The following NAPEPLD variants were observed in gnomAD, a reference collection of about 807,000 sequenced individuals.
NAPEPLD encodes the protein N-acyl-phosphatidylethanolamine-hydrolyzing phospholipase D.
A neutral mutation model predicts 38.1 loss-of-function variants in NAPEPLD; 23 were observed. The ratio of observed to expected loss-of-function variants is 0.60; its 90% CI spans 0.43 to 0.86. The LOEUF (loss-of-function observed/expected upper bound fraction) is 0.86, where lower values mean the gene tolerates loss of function less well. Ranked by LOEUF, NAPEPLD falls within the 40% of genes least tolerant of loss-of-function variation. The pLI is 0.00. For synonymous variants in NAPEPLD, 147 were observed against 162.0 expected (o/e 0.91, Z 0.71); for missense variants, 411 against 476.8 (o/e 0.86, Z 1.28).
chr7:103,100,119 T>C lies in NAPEPLD; in HGVS notation c.*3310A>G, dbSNP rs1321236652. On this transcript the variant is annotated 3_prime_UTR_variant, in exon 5 of 5. Transcript: ENST00000465647. ...TGTTACCCTGATACAGAAATCAAAC[T>C]TGGAAGAAATATTTTTACATTAGAA... The C allele has an allele frequency of 6.6e-6, 1 of 152,128 alleles. No homozygotes were observed. Among genetic ancestry groups the C allele is most frequent in the Non-Finnish European group, 1.5e-5 (1 of 68,008 alleles). The allele number at this position is 152,128 out of a possible 1,614,324, so 9.4% of individuals were successfully genotyped here.
At chr7:103,108,045 C>T (rs975729737) in intron 4 of NAPEPLD, among the ~76,000 whole-genome samples, 1 of 152,000 alleles carries the variant, frequency 6.6e-6, no homozygotes, top group Non-Finnish European at 1.5e-5. Flanking sequence ...ACTAAGTTAC[C>T]CATAAAGGGA....
chr7:103,139,797 C>G (rs911785878), intron 1 of NAPEPLD, among the ~76,000 whole-genome samples: 8 of 152,140 alleles, frequency 5.3e-5, no homozygotes, highest in Non-Finnish European at 2.9e-5. Context: ...CAGGACATGA[C>G]TACATCAGAC....
intron 2 of NAPEPLD, among the ~76,000 whole-genome samples, chr7:103,125,967 T>C (rs114841824): frequency 0.011 from 1,671 of 151,866 alleles, 35 homozygotes; most frequent in African/African-American, 0.039. Flanking sequence ...AGAATGCAAA[T>C]TTTTTTCAAA....
upstream of NAPEPLD, chr7:103,149,601 G>A (rs1292332945): frequency 1.3e-6 from 1 of 758,158 alleles, no homozygotes; most frequent in East Asian, 1.2e-4. Flanking sequence ...CCGCCCCTGT[G>A]GGCCGGGGCG....
At chr7:103,112,442 T>A (rs978959564) in intron 4 of NAPEPLD, among the ~76,000 whole-genome samples, 5 of 152,214 alleles carry the variant, frequency 3.3e-5, no homozygotes, top group Non-Finnish European at 5.9e-5. Flanking sequence ...GATGAGTTCA[T>A]GTCCTTTGCA....
chr7:103,148,121 A>T, intron 1 of NAPEPLD: 1 of 983,980 alleles, frequency 1.0e-6, no homozygotes, highest in Non-Finnish European at 1.2e-6. Context: ...ATAGAAATGG[A>T]AATGTTAGAG....
At chr7:103,131,015 T>G (rs1585876538) in intron 1 of NAPEPLD, among the ~76,000 whole-genome samples, 2 of 152,184 alleles carry the variant, frequency 1.3e-5, no homozygotes, top group African/African-American at 4.8e-5. Context: ...CATCTGAACC[T>G]CACTTCGTTT....
intron 1 of NAPEPLD, among the ~76,000 whole-genome samples, chr7:103,142,455 A>G (rs1811614381): frequency 6.6e-6 from 1 of 152,008 alleles, no homozygotes; most frequent in Non-Finnish European, 1.5e-5. Flanking sequence ...AAAATACAAA[A>G]AATAGCCAGG....
chr7:103,115,376 A>T, intron 3 of NAPEPLD: 1 of 431,968 alleles, frequency 2.3e-6, no homozygotes, highest in East Asian at 3.6e-5. Context: ...AGATTGTAAA[A>T]ACAAAACAAA....
At chr7:103,149,325 C>T (rs561371810), upstream of NAPEPLD, 2 of 1,122,174 alleles carry the variant, frequency 1.8e-6, no homozygotes, top group African/African-American at 1.7e-5. Context: ...AGTTCCGCGG[C>T]TTCCGGCCAC....
intron 1 of NAPEPLD, among the ~76,000 whole-genome samples, chr7:103,140,597 G>T (rs745436482): frequency 6.6e-6 from 1 of 151,886 alleles, no homozygotes; most frequent in Non-Finnish European, 1.5e-5. Context: ...GTTTCACCAT[G>T]TTAGCCAGGA....
chr7:103,107,892 C>G (rs1348333587), intron 4 of NAPEPLD, among the ~76,000 whole-genome samples: 2 of 152,124 alleles, frequency 1.3e-5, no homozygotes, highest in Non-Finnish European at 2.9e-5. Flanking sequence ...TCAGGAAATA[C>G]AGAGAACACC....
At chr7:103,147,670 T>A (rs1812845527) in intron 1 of NAPEPLD, among the ~76,000 whole-genome samples, 1 of 152,232 alleles carries the variant, frequency 6.6e-6, no homozygotes, top group South Asian at 2.1e-4. Context: ...ATGGAATGCT[T>A]ATGCTAAAAT....
chr7:103,149,321 G>C (rs1813264509), upstream of NAPEPLD: 6 of 1,116,578 alleles, frequency 5.4e-6, no homozygotes, highest in Non-Finnish European at 6.6e-6. Flanking sequence ...CCTCAGTTCC[G>C]CGGCTTCCGG....
chr7:103,131,119 T>C (rs1469217272), intron 1 of NAPEPLD, among the ~76,000 whole-genome samples: 1 of 152,188 alleles, frequency 6.6e-6, no homozygotes, highest in Non-Finnish European at 1.5e-5. Flanking sequence ...ATGCTACTCC[T>C]TGTCATGATA....
At chr7:103,140,014 T>C (rs1023788948) in intron 1 of NAPEPLD, among the ~76,000 whole-genome samples, 3 of 152,198 alleles carry the variant, frequency 2.0e-5, no homozygotes, top group Non-Finnish European at 4.4e-5. Context: ...AACTAAAATA[T>C]GCTTGAATGG....
intron 2 of NAPEPLD, among the ~76,000 whole-genome samples, chr7:103,125,195 C>T (rs1203921336): frequency 6.6e-6 from 1 of 152,096 alleles, no homozygotes; most frequent in East Asian, 1.9e-4. Flanking sequence ...TAACATTTTT[C>T]TTTTTCACAT....
chr7:103,118,620 G>C (rs2129528557), intron 3 of NAPEPLD, among the ~76,000 whole-genome samples: 1 of 152,288 alleles, frequency 6.6e-6, no homozygotes, highest in African/African-American at 2.4e-5. Context: ...AAATGTTGTT[G>C]TATGTATCTG....
intron 2 of NAPEPLD, among the ~76,000 whole-genome samples, chr7:103,122,940 G>C (rs1012310709): frequency 6.6e-6 from 1 of 152,188 alleles, no homozygotes; most frequent in African/African-American, 2.4e-5. Flanking sequence ...TCTACTGCCT[G>C]ACAAAGTCTG....
Sources: allele counts gnomAD v4.1 joint callset (sites outside exome capture counted in the v4.1 genomes callset), GRCh38; gene constraint gnomAD v4.1.1; transcripts MANE v1.5; gene names NCBI Gene and HGNC (gene_info 2026-07-23, HGNC 2026-07-21).